Variants in UBR2 observed in about 807,000 individuals in gnomAD.
UBR2 encodes ubiquitin protein ligase E3 component n-recognin 2.
In UBR2, 92 loss-of-function variants were observed where a neutral mutation model predicts 247.9. That is an observed-to-expected ratio of 0.37 (90% confidence interval 0.31 to 0.44). UBR2 has a LOEUF of 0.44. Ranked by LOEUF, UBR2 falls within the 20% of genes least tolerant of loss-of-function variation. The pLI is 1.00. For synonymous variants in UBR2, 672 were observed against 693.5 expected (o/e 0.97, Z 0.49); for missense variants, 1,613 against 2,112.6 (o/e 0.76, Z 4.64).
At position 42,573,984 on chromosome 6, in the gene UBR2, A is replaced by G; in HGVS notation, c.329A>G (p.Tyr110Cys). ...GRVFKVGEPT[Y>C]SCRDCAVDPT... The stretch of plus-strand genomic sequence containing the variant: ...GTTTTTAAAGTAGGAGAGCCTACAT[A>G]TTCTTGCAGGTAAAATATTTTAATT... Residue 110 changes from tyrosine (Y) to cysteine (C), a missense_variant, in exon 2 of 47, where the codon TAT (tyrosine) becomes TGT (cysteine). Physicochemically the swap from Tyr to Cys is radical, Grantham distance 194 (BLOSUM62 -2). Around this residue, in one of 3 missense-constraint regions of UBR2, gnomAD observed 1,524 missense variants for 1,967.3 expected, o/e 0.77. Coordinates refer to ENST00000372901, the MANE Select transcript of UBR2 (RefSeq NM_001363705.2). The G allele has an allele frequency of 6.3e-6, 10 of 1,585,250 alleles. No homozygotes were observed. The highest frequency in any genetic ancestry group is 8.6e-6 in the Non-Finnish European group (10 of 1,167,204).
intron 15 of UBR2, 89 bp from the exon 16 acceptor site, chr6:42,640,120 A>T: frequency 1.0e-6 from 1 of 992,826 alleles, no homozygotes; most frequent in Non-Finnish European, 1.5e-6. Context: ...AAAAGAAGTT[A>T]GATATAAAGT....
chr6:42,640,214 C>G lies in UBR2; in HGVS notation c.1864C>G (p.His622Asp). The change falls in exon 16 of 47, where the codon CAT becomes GAT. Residue 622 changes from histidine (H) to aspartate (D), a missense_variant. Around this residue, in one of 3 missense-constraint regions of UBR2, gnomAD observed 1,524 missense variants for 1,967.3 expected, o/e 0.77. Transcript: ENST00000372901. ...LPVSRLLAGLHVLLSKSEVAY... is the reference protein window; with the variant it reads ...LPVSRLLAGLDVLLSKSEVAY... ...TTGTTTGTTCTTTCATGCAGGTTTACATGTATTATTAAGCAAAAGTGAAGT... is the reference window on the plus strand; with the variant it reads ...TTGTTTGTTCTTTCATGCAGGTTTAGATGTATTATTAAGCAAAAGTGAAGT... The G allele has an allele frequency of 6.2e-7, 1 of 1,605,634 alleles. No individual in the cohort carries two copies. Among genetic ancestry groups the G allele is most frequent in the African/African-American group, 1.3e-5 (1 of 74,536 alleles).
At chr6:42,688,746 A>G (rs1799590676) in intron 45 of UBR2, among the ~76,000 whole-genome samples, 1 of 152,192 alleles carries the variant, frequency 6.6e-6, no homozygotes, top group African/African-American at 2.4e-5. Context: ...ACTTATACAT[A>G]TTATCACAAC....
chr6:42,574,052 C>T, intron 2 of UBR2, 59 bp downstream of exon 2: 2 of 1,443,806 alleles, frequency 1.4e-6, no homozygotes, highest in African/African-American at 1.4e-5. Flanking sequence ...TCTTTTTTTC[C>T]CTGGAACTTT....
At position 42,573,812 on chromosome 6, in the gene UBR2, G is replaced by A. The variant is rs923068120; in HGVS notation, c.157G>A (p.Gly53Ser). ...CTATGTACCCAAAATCTACTGCAGG[G>A]GTCCCAACCCTTTTCCACAGAAAGA... The part of the protein sequence containing the change: ...AHYVPKIYCR[G>S]PNPFPQKEDM... Residue 53 changes from glycine (G) to serine (S), a missense_variant, in exon 2 of 47, where the codon GGT becomes AGT. Physicochemically the swap from Gly to Ser is moderately conservative, Grantham distance 56. This residue lies in a region of UBR2 where 1,524 missense variants were observed against 1,967.3 expected (regional missense o/e 0.77). Transcript: ENST00000372901. The A allele has an allele frequency of 3.7e-6, 6 of 1,613,232 alleles. No individual in the cohort carries two copies. The highest frequency in any genetic ancestry group is 2.7e-5 in the African/African-American group (2 of 74,842).
chr6:42,664,027 A>G (rs1012402455), intron 32 of UBR2: 2 of 152,214 alleles, frequency 1.3e-5, no homozygotes, highest in Non-Finnish European at 2.9e-5. Context: ...ATGTAGCGGC[A>G]TATTCCTATA....
intron 5 of UBR2, 53 bp from the exon 6 acceptor site, chr6:42,605,668 G>A: frequency 1.3e-6 from 2 of 1,539,396 alleles, no homozygotes; most frequent in Non-Finnish European, 1.8e-6. Flanking sequence ...AAGTCAGCCT[G>A]GAGCAAGATA....
intron 1 of UBR2, among the ~76,000 whole-genome samples, chr6:42,568,323 A>C (rs537038933): frequency 2.0e-5 from 3 of 152,280 alleles, no homozygotes; most frequent in African/African-American, 4.8e-5. Flanking sequence ...GGTCTAATCA[A>C]CTACTAATTT....
Position 42,691,167 on chromosome 6 carries a change from T to C in UBR2, c.5262T>C (p.His1754=). 6.2e-7 allele frequency: 1 copy of C among 1,613,136 alleles called. No individual in the cohort carries two copies. The highest frequency in any genetic ancestry group is 2.2e-5 in the East Asian group (1 of 44,876). The stretch of plus-strand genomic sequence containing the variant: ...CACTGGTTGGCATTGACTGGCAACA[T>C]TTATAATTATTGCACCACCAAAAAA... ...NQTLVGIDWQ[H]L is the part of the protein sequence containing the mutation. The change falls in exon 47 of 47, where the codon CAT becomes CAC. Residue 1754 remains histidine (H), a synonymous_variant. Transcript: ENST00000372901.
chr6:42,661,612 C>T (rs1451220561), intron 30 of UBR2, among the ~76,000 whole-genome samples: 2 of 152,192 alleles, frequency 1.3e-5, no homozygotes, highest in Non-Finnish European at 2.9e-5. Flanking sequence ...TAAAAATTAG[C>T]ACCAGGACAG....
intron 44 of UBR2, 156 bp from the exon 45 acceptor site, chr6:42,688,060 T>A: frequency 1.3e-6 from 1 of 757,524 alleles, no homozygotes; most frequent in Non-Finnish European, 2.2e-6. Flanking sequence ...ATGTTTCCTA[T>A]TCCAGATTCT....
chr6:42,581,114 A>G (rs1353070192), intron 2 of UBR2, among the ~76,000 whole-genome samples: 2 of 145,682 alleles, frequency 1.4e-5, no homozygotes, highest in African/African-American at 2.6e-5. Flanking sequence ...CCCAGGTTCA[A>G]CCTTTCCTCC....
rs569174088 is a variant in UBR2, at chr6:42,579,099, A to T, written c.338+5106A>T. On this transcript the variant is annotated intron_variant, in intron 2 of 46. Coordinates refer to ENST00000372901, the MANE Select transcript of UBR2 (RefSeq NM_001363705.2). The stretch of plus-strand genomic sequence containing the variant: ...AAATACCTGAGGCTGGATAATTTAT[A>T]AAGAAAAGAGGTTTAATTGGCTCAC... 1.8e-3 allele frequency among the ~76,000 whole-genome samples: 275 copies of T among 152,194 alleles called. 2 individuals are homozygous for T. The highest frequency in any genetic ancestry group is 5.5e-3 in the African/African-American group (229 of 41,498).
intron 2 of UBR2, among the ~76,000 whole-genome samples, chr6:42,588,152 A>G (rs547309703): frequency 3.9e-5 from 6 of 152,264 alleles, no homozygotes; most frequent in African/African-American, 1.4e-4. Flanking sequence ...CTGGCTATAT[A>G]TTGGGGTCTC....
chr6:42,568,685 G>A (rs1341030552), intron 1 of UBR2, among the ~76,000 whole-genome samples: 4 of 151,814 alleles, frequency 2.6e-5, no homozygotes, highest in Non-Finnish European at 4.4e-5. Flanking sequence ...AGTCAAGATC[G>A]CGCCACTGCA....
intron 35 of UBR2, 47 bp downstream of exon 35, chr6:42,670,287 A>G (rs1311820343): frequency 6.3e-7 from 1 of 1,591,382 alleles, no homozygotes; most frequent in Non-Finnish European, 8.6e-7. Flanking sequence ...GCATTCATTG[A>G]TATGAATTAG....
chr6:42,646,044 C>T (rs918161946), intron 21 of UBR2, among the ~76,000 whole-genome samples: 10 of 152,100 alleles, frequency 6.6e-5, no homozygotes, highest in African/African-American at 1.9e-4. Context: ...TTCTTAATGA[C>T]GAGCCCTTGT....
Position 42,693,098 on chromosome 6 carries a change from T to C in UBR2, c.*1925T>C, listed in dbSNP as rs1406385476. 1 of 152,160 alleles carries C rather than the reference T, an allele frequency of 6.6e-6. No individual in the cohort carries two copies. The highest frequency in any genetic ancestry group is 1.5e-5 in the Non-Finnish European group (1 of 68,034). 9.4% of individuals were successfully genotyped at this position (152,160 alleles called of 1,614,324 possible). On this transcript the variant is annotated 3_prime_UTR_variant, in exon 47 of 47. Transcript: ENST00000372901. ...GGTTTCTCTCTGTACAAGTGGATTA[T>C]AAACATTTTCACCAAATCATAACAA...
chr6:42,580,696 C>T (rs993692832), intron 2 of UBR2, among the ~76,000 whole-genome samples: 5 of 152,020 alleles, frequency 3.3e-5, no homozygotes, highest in African/African-American at 4.8e-5. Context: ...CCCGCCACCA[C>T]GCCCTGCTAA....
Sources: allele counts gnomAD v4.1 joint callset (sites outside exome capture counted in the v4.1 genomes callset), GRCh38; gene constraint gnomAD v4.1.1; regional missense constraint gnomAD v4.1.1; transcripts MANE v1.5; gene names NCBI Gene and HGNC (gene_info 2026-07-23, HGNC 2026-07-21).